The following ROBO2 variants were observed in gnomAD, a reference collection of about 807,000 sequenced individuals.
The protein encoded by ROBO2 is roundabout guidance receptor 2.
In ROBO2, 53 loss-of-function variants were observed where a neutral mutation model predicts 160.8. The ratio of observed to expected loss-of-function variants is 0.33; its 90% CI spans 0.26 to 0.41. The LOEUF is 0.41. Ranked by LOEUF, ROBO2 falls within the 10% of genes least tolerant of loss-of-function variation. ROBO2 has a pLI of 1.00. For missense variants in ROBO2, 1,577 were observed against 1,722.4 expected, an observed-to-expected ratio of 0.92 and a Z score of 1.49; for synonymous variants, 664 against 611.7, an observed-to-expected ratio of 1.09 and a Z score of -1.26.
intron 2 of ROBO2, among the ~76,000 whole-genome samples, chr3:76,217,751 C>T (rs1703656961): frequency 6.6e-6 from 1 of 152,156 alleles, no homozygotes; most frequent in African/African-American, 2.4e-5. Context: ...GAACTGGTAC[C>T]ATTCCTTCTG....
chr3:76,933,477 A>G (rs1050358686), intron 2 of ROBO2, among the ~76,000 whole-genome samples: 16 of 152,248 alleles, frequency 1.1e-4, no homozygotes, highest in African/African-American at 3.9e-4. Flanking sequence ...ATTAGAGTCA[A>G]AATTGAAAAT....
intron 2 of ROBO2, among the ~76,000 whole-genome samples, chr3:77,109,710 A>G (rs1332782634): frequency 1.3e-5 from 2 of 152,214 alleles, no homozygotes; most frequent in African/African-American, 2.4e-5. Flanking sequence ...TTTGGGTACT[A>G]TTATTTTCTC....
intron 2 of ROBO2, among the ~76,000 whole-genome samples, chr3:77,229,741 T>C (rs1013236125): frequency 2.0e-5 from 3 of 151,938 alleles, no homozygotes; most frequent in African/African-American, 7.3e-5. Flanking sequence ...GGGAGACCAG[T>C]GCTTGCTGCA....
At chr3:76,011,669 T>C (rs1269249566) in intron 2 of ROBO2, among the ~76,000 whole-genome samples, 2 of 152,132 alleles carry the variant, frequency 1.3e-5, no homozygotes, top group African/African-American at 2.4e-5. Context: ...AACTTAAATA[T>C]TGGGGATAAA....
In ROBO2 at chr3:76,798,171, G is replaced by A. The variant is rs1230046420; in HGVS notation, c.110-299843G>A. 8.8e-4 allele frequency among the ~76,000 whole-genome samples: 58 copies of A among 66,232 alleles called. 2 individuals are homozygous for A. The highest frequency in any genetic ancestry group is 2.7e-3 in the African/African-American group (53 of 19,462). The allele number at this position is 66,232 out of a possible 152,430, so 43.5% of individuals were successfully genotyped here. On this transcript the variant is annotated intron_variant, in intron 2 of 26. Transcript: ENST00000487694. ...GAAAGAAAGAAAGAAAGAAAGAAAG[G>A]GAGAGAAAGAAAGAAAGAAAAAGAA...
chr3:77,157,628 G>A (rs1190036673), intron 2 of ROBO2, among the ~76,000 whole-genome samples: 1 of 152,050 alleles, frequency 6.6e-6, no homozygotes, highest in Admixed American at 6.6e-5. Flanking sequence ...TGAAGAAACT[G>A]TCTGTTCCCT....
At chr3:77,110,586 G>A (rs1191523392) in intron 2 of ROBO2, among the ~76,000 whole-genome samples, 2 of 150,358 alleles carry the variant, frequency 1.3e-5, no homozygotes, top group South Asian at 2.1e-4. Context: ...TACAAATTAT[G>A]CAAAAATTAA....
intron 2 of ROBO2, among the ~76,000 whole-genome samples, chr3:77,434,033 G>C (rs55665736): frequency 6.6e-6 from 1 of 151,968 alleles, no homozygotes; most frequent in East Asian, 1.9e-4. Context: ...GCTACTCTTC[G>C]CACCAATCAT....
At chr3:77,264,308 G>A (rs947622555) in intron 2 of ROBO2, among the ~76,000 whole-genome samples, 1 of 152,126 alleles carries the variant, frequency 6.6e-6, no homozygotes, top group Admixed American at 6.6e-5. Context: ...TTTCACCTTT[G>A]TTGGTCTTAT....
intron 2 of ROBO2, among the ~76,000 whole-genome samples, chr3:76,261,496 T>G: frequency 6.6e-6 from 1 of 152,050 alleles, no homozygotes; most frequent in East Asian, 1.9e-4. Context: ...AATTTGGATT[T>G]AATATACAAT....
intron 2 of ROBO2, among the ~76,000 whole-genome samples, chr3:77,099,247 T>C (rs1296719005): frequency 6.6e-5 from 10 of 152,010 alleles, no homozygotes; most frequent in Non-Finnish European, 1.5e-4. Flanking sequence ...GTATTTTTAG[T>C]AGAGACGGGG....
At chr3:76,409,819 G>C (rs2108823467) in intron 2 of ROBO2, among the ~76,000 whole-genome samples, 1 of 152,190 alleles carries the variant, frequency 6.6e-6, no homozygotes, top group Middle Eastern at 3.4e-3. Flanking sequence ...ATAAGAATAT[G>C]CCTTAAATAA....
chr3:76,341,461 G>A (rs1576542978), intron 2 of ROBO2, among the ~76,000 whole-genome samples: 2 of 126,754 alleles, frequency 1.6e-5, no homozygotes, highest in African/African-American at 3.0e-5. Flanking sequence ...TGTGTTTGAA[G>A]AATTACGTGT....
At chr3:76,653,943 C>T (rs2091370531) in intron 2 of ROBO2, among the ~76,000 whole-genome samples, 2 of 152,082 alleles carry the variant, frequency 1.3e-5, no homozygotes, top group African/African-American at 4.8e-5. Flanking sequence ...ATTTTTCACT[C>T]ACCATAAATC....
intron 9 of ROBO2, among the ~76,000 whole-genome samples, chr3:77,559,383 A>G (rs865914028): frequency 3.3e-5 from 5 of 152,058 alleles, no homozygotes; most frequent in African/African-American, 1.2e-4. Context: ...CCTTCCTCCT[A>G]CCTGCCATGT....
intron 2 of ROBO2, among the ~76,000 whole-genome samples, chr3:77,238,089 T>C (rs57899004): frequency 6.6e-6 from 1 of 151,966 alleles, no homozygotes; most frequent in African/African-American, 2.4e-5. Flanking sequence ...CAGATTTTTT[T>C]TTGCTGTTGA....
intron 2 of ROBO2, among the ~76,000 whole-genome samples, chr3:77,348,889 A>G (rs2067981452): frequency 6.6e-6 from 1 of 151,786 alleles, no homozygotes; most frequent in African/African-American, 2.4e-5. Flanking sequence ...GCTCTGCTTC[A>G]TTATCTTTTC....
At chr3:76,151,971 C>A (rs938726255) in intron 2 of ROBO2, among the ~76,000 whole-genome samples, 2 of 152,134 alleles carry the variant, frequency 1.3e-5, no homozygotes, top group African/African-American at 4.8e-5. Context: ...ACATAAAATA[C>A]TATGCCAATA....
At chr3:77,584,947 C>T (rs1475709281) in intron 16 of ROBO2, among the ~76,000 whole-genome samples, 1 of 147,456 alleles carries the variant, frequency 6.8e-6, no homozygotes, top group South Asian at 2.1e-4. Flanking sequence ...TATATATATA[C>T]ACACACACAT....
Sources: allele counts gnomAD v4.1 joint callset (sites outside exome capture counted in the v4.1 genomes callset), GRCh38; gene constraint gnomAD v4.1.1; transcripts MANE v1.5; gene names NCBI Gene and HGNC (gene_info 2026-07-23, HGNC 2026-07-21).